The following IL4I1 variants were observed in gnomAD, a reference collection of about 807,000 sequenced individuals.
The protein encoded by IL4I1 is L-amino-acid oxidase.
A neutral mutation model predicts 29.7 loss-of-function variants in IL4I1; 24 were observed. The ratio of observed to expected loss-of-function variants is 0.81; its 90% confidence interval spans 0.59 to 1.14. The LOEUF (loss-of-function observed/expected upper bound fraction) is 1.14, where lower values mean the gene tolerates loss of function less well. Ranked by LOEUF, IL4I1 falls within the 50% of genes most tolerant of loss-of-function variation. IL4I1 has a pLI of 0.00. For synonymous variants in IL4I1, 371 were observed against 352.5 expected (o/e 1.05, Z -0.59); for missense variants, 686 against 785.6 (o/e 0.87, Z 1.52).
chr19:49,909,839 GGCT>G, intron 2 of IL4I1: 4 of 1,609,148 alleles, frequency 2.5e-6, no homozygotes, highest in Non-Finnish European at 2.6e-6. Context: ...CAGCTACTCT[GGCT>G]CCCAAAGCAA....
At chr19:49,918,904 G>GGGC (rs1555825799) in intron 2 of IL4I1, among the ~76,000 whole-genome samples, 12 of 148,542 alleles carry the variant, frequency 8.1e-5, no homozygotes, top group African/African-American at 3.0e-4. Flanking sequence ...CTGGGGGGGG[G>GGGC]GGGGCGGGGT....
rs367636618 is a variant in IL4I1, at chr19:49,890,573, G to A, written c.801C>T (p.Asp267=). The A allele has an allele frequency of 3.9e-5, 62 of 1,583,842 alleles. 1 individual carries two copies. The African/African-American group carries it at 7.3e-4, about 19-fold the overall frequency. ...LQYSRIVGGW[D]LLPRALLSSL... ...AGCTCAGCAGCGCGCGCGGCAGCAGGTCCCAGCCACCCACGATGCGGCTGT... is the reference window on the plus strand; with the variant it reads ...AGCTCAGCAGCGCGCGCGGCAGCAGATCCCAGCCACCCACGATGCGGCTGT... The change falls in exon 8 of 8, where the codon GAC becomes GAT. Residue 267 remains aspartate (D), a synonymous_variant. Transcript: ENST00000391826.
rs780614781 is a variant in IL4I1, at chr19:49,894,385, G to C, written c.450C>G (p.His150Gln). ...CCACATAGTTGCGCAGCTTCACTTC[G>C]TGCACCTCCGTCCACGTGTTCTTGT... ...QYDKNTWTEV[H>Q]EVKLRNYVVE... Residue 150 changes from histidine to glutamine, a missense_variant, in exon 5 of 8, where the codon CAC becomes CAG. By Grantham distance (24) the His-to-Gln change is conservative (BLOSUM62 0). Coordinates refer to ENST00000391826, the MANE Select transcript of IL4I1 (RefSeq NM_152899.2). The C allele has an allele frequency of 2.5e-6, 4 of 1,614,198 alleles. No individual in the cohort carries two copies. Among genetic ancestry groups the C allele is most frequent in the Non-Finnish European group, 8.5e-7 (1 of 1,180,040 alleles).
chr19:49,911,958 C>A (rs528518466), intron 2 of IL4I1, among the ~76,000 whole-genome samples: 5 of 152,186 alleles, frequency 3.3e-5, no homozygotes, highest in Non-Finnish European at 5.9e-5. Flanking sequence ...CACCTCAAGC[C>A]GGTGTGTTGT....
At chr19:49,916,447 G>A (rs965103259) in intron 2 of IL4I1, among the ~76,000 whole-genome samples, 5 of 149,098 alleles carry the variant, frequency 3.4e-5, no homozygotes, top group South Asian at 2.1e-4. Flanking sequence ...TCCGCCTCCC[G>A]GTATCTTTTG....
intron 7 of IL4I1, 125 bp downstream of exon 7, chr19:49,890,846 A>G: frequency 1.1e-6 from 1 of 875,790 alleles, no homozygotes. Context: ...TAGCCCCGCG[A>G]CCATCAATTA....
chr19:49,894,908 G>A (rs2075185298), intron 4 of IL4I1, among the ~76,000 whole-genome samples, 160 bp downstream of exon 4: 1 of 152,104 alleles, frequency 6.6e-6, no homozygotes, highest in Non-Finnish European at 1.5e-5. Flanking sequence ...GAGGCCCAGG[G>A]CTGGCGCTGG....
At chr19:49,924,842 G>C (rs1031846192) in intron 2 of IL4I1, among the ~76,000 whole-genome samples, 3 of 152,210 alleles carry the variant, frequency 2.0e-5, no homozygotes, top group Non-Finnish European at 2.9e-5. Context: ...GGACCCAATA[G>C]CTAGAGAGAA....
intron 2 of IL4I1, among the ~76,000 whole-genome samples, chr19:49,925,330 G>T (rs2075860753): frequency 3.3e-5 from 5 of 151,834 alleles, no homozygotes; most frequent in Admixed American, 2.6e-4. Context: ...GCTCAGGCTT[G>T]TAATCCTAAC....
Position 49,895,645 on chromosome 19 carries a change from G to T in IL4I1, c.252+170C>A, listed in dbSNP as rs139361736. The stretch of plus-strand genomic sequence containing the variant: ...GTCTGGGGCCTCTCAGTGGAGACAT[G>T]TGACAGCAGGGGGCTTGGGCCTCAC... On this transcript the variant is annotated intron_variant, in intron 3 of 7. Coordinates refer to ENST00000391826, the MANE Select transcript of IL4I1 (RefSeq NM_152899.2). Among the ~76,000 whole-genome samples the T allele has an allele frequency of 7.4e-3, 1,130 of 152,306 alleles. 15 individuals carry two copies. The highest frequency in any genetic ancestry group is 0.026 in the African/African-American group (1,096 of 41,550).
intron 3 of IL4I1, among the ~76,000 whole-genome samples, chr19:49,903,585 TGA>T (rs1375191749): frequency 6.6e-6 from 1 of 152,310 alleles, no homozygotes; most frequent in East Asian, 1.9e-4. Flanking sequence ...GCCCTGAGTC[TGA>T]GGGGCAGATT....
rs779101077 is a variant in IL4I1 at position 49,895,879 on chromosome 19, A to G, written c.188T>C (p.Ile63Thr). ...LNRTLKPQRV[I>T]VVGAGVAGLV... Reference sequence around the variant, plus strand: ...CCCGGCCACACCAGCGCCAACCACAATCACCCTCTGGGGCTTCAGGGTCCG... The same window carrying G: ...CCCGGCCACACCAGCGCCAACCACAGTCACCCTCTGGGGCTTCAGGGTCCG... The change falls in exon 3 of 8, where the codon ATT becomes ACT. Residue 63 changes from isoleucine to threonine, a missense_variant. Ile to Thr is a moderately conservative substitution (Grantham distance 89). Transcript: ENST00000391826. 6.2e-7 allele frequency: 1 copy of G among 1,614,012 alleles called. No individual in the cohort carries two copies. Among genetic ancestry groups the G allele is most frequent in the Non-Finnish European group, 8.5e-7 (1 of 1,179,962 alleles).
rs1024899795 is a variant in IL4I1, at chr19:49,911,540, C to T, written c.-227-7219G>A. ...CCAGCTTGAGTAAGAGGCAACCTATCTCACTACCCCCACCCCTTCCACTGC... is the reference window on the plus strand; with the variant it reads ...CCAGCTTGAGTAAGAGGCAACCTATTTCACTACCCCCACCCCTTCCACTGC... On this transcript the variant is annotated intron_variant, in intron 2 of 9. Coordinates refer to the IL4I1 transcript ENST00000341114. Among the ~76,000 whole-genome samples the T allele has an allele frequency of 2.0e-5, 3 of 152,250 alleles. No homozygotes were observed. In the East Asian group the frequency reaches 5.8e-4, roughly 29 times the overall value.
In IL4I1 at chr19:49,921,945, G is replaced by T. The variant is rs543764211; in HGVS notation, c.-228+5749C>A. On this transcript the variant is annotated intron_variant, in intron 2 of 9. Coordinates refer to the IL4I1 transcript ENST00000341114. This position sits in a 1 kb window ranked among gnomAD's most constrained non-coding sequence, Gnocchi z 5.4. Reference sequence around the variant, plus strand: ...TCTTGGCAGGATGAGTGCATTTGCTGCGAGAAAGCAGCCCCGACGGCAGGG... The same window carrying T: ...TCTTGGCAGGATGAGTGCATTTGCTTCGAGAAAGCAGCCCCGACGGCAGGG... 1.4e-4 allele frequency among the ~76,000 whole-genome samples: 22 copies of T among 152,348 alleles called. No homozygotes were observed. Among genetic ancestry groups the T allele is most frequent in the African/African-American group, 5.0e-4 (21 of 41,586 alleles).
At chr19:49,924,642 C>A (rs1600560811) in intron 2 of IL4I1, among the ~76,000 whole-genome samples, 1 of 152,230 alleles carries the variant, frequency 6.6e-6, no homozygotes, top group Non-Finnish European at 1.5e-5. Context: ...GAAGGGGCCA[C>A]AGGCCTGGGT....
chr19:49,904,044 C>T (rs1412981938), intron 3 of IL4I1, among the ~76,000 whole-genome samples: 1 of 151,844 alleles, frequency 6.6e-6, no homozygotes, highest in East Asian at 1.9e-4. Context: ...CGCCATGTTG[C>T]CCAGGCTGGT....
chr19:49,891,363 C>G (rs758998512), intron 6 of IL4I1, 42 bp downstream of exon 6: 1 of 1,600,234 alleles, frequency 6.2e-7, no homozygotes, highest in Admixed American at 1.7e-5. Flanking sequence ...CATGGTCACT[C>G]TCTTTGCCCT....
chr19:49,902,032 T>G (rs1045024772), intron 3 of IL4I1, among the ~76,000 whole-genome samples: 9 of 152,246 alleles, frequency 5.9e-5, no homozygotes, highest in African/African-American at 2.2e-4. Flanking sequence ...CTGAGTCTCG[T>G]TCTGTCACCC....
intron 2 of IL4I1, among the ~76,000 whole-genome samples, chr19:49,919,784 G>A (rs546103733): frequency 1.5e-5 from 2 of 131,874 alleles, no homozygotes; most frequent in Non-Finnish European, 3.2e-5. Flanking sequence ...GAAGATTCTA[G>A]AACCACCGCT....
Sources: gnomAD v4.1 joint callset for allele counts (sites outside exome capture counted in the v4.1 genomes callset) on GRCh38, gnomAD v4.1.1 for gene constraint, Gnocchi (gnomAD v3.1) non-coding constraint, MANE v1.5 for transcripts, NCBI Gene and HGNC (gene_info 2026-07-23, HGNC 2026-07-21) for gene names.